Variants in PALLD observed in about 807,000 individuals in gnomAD.
PALLD encodes palladin.
Under a neutral mutation model 123.5 loss-of-function variants are expected in PALLD, and 61 were observed. That is an observed-to-expected ratio of 0.49 (90% confidence interval 0.40 to 0.61). PALLD has a LOEUF of 0.61. Among genes scored for constraint, PALLD ranks in the 20% least tolerant of loss-of-function variants. The pLI, the probability that PALLD is intolerant of heterozygous loss-of-function variation, is 0.00. For synonymous variants in PALLD, 465 were observed against 496.4 expected (o/e 0.94, Z 0.84); for missense variants, 1,273 against 1,377.0 (o/e 0.92, Z 1.20).
At chr4:168,771,085 A>AAAAAAAAAAAAC (rs1195167673) in intron 10 of PALLD, among the ~76,000 whole-genome samples, 2 of 149,608 alleles carry the variant, frequency 1.3e-5, no homozygotes, top group African/African-American at 5.0e-5. Context: ...ACAAAAAAAA[A>AAAAAAAAAAAAC]ACCTTAGTTT....
intron 10 of PALLD, among the ~76,000 whole-genome samples, chr4:168,811,774 T>TCACACACACACA (rs879411684): frequency 4.6e-5 from 5 of 109,510 alleles, no homozygotes; most frequent in East Asian, 2.3e-4. Context: ...TCTCTCTCTC[T>TCACACACACACA]CTCACACACA....
chr4:168,639,765 C>G (rs537167032), intron 2 of PALLD, among the ~76,000 whole-genome samples: 3 of 152,010 alleles, frequency 2.0e-5, no homozygotes, highest in African/African-American at 7.3e-5. Flanking sequence ...AGGATGGTCT[C>G]GATCTTCTGA....
rs1311575759 is a variant in PALLD, at chr4:168,807,432, G to A, written c.1965-83490G>A. Reference sequence around the variant, plus strand: ...TCTTTCTTTTTTATGTTTTTGAGACGGAGTTTCACTCTTGTTGCCCAGACT... The same window carrying A: ...TCTTTCTTTTTTATGTTTTTGAGACAGAGTTTCACTCTTGTTGCCCAGACT... On this transcript the variant is annotated intron_variant, in intron 10 of 21. Coordinates refer to ENST00000505667, the MANE Select transcript of PALLD (RefSeq NM_001166108.2). Among the ~76,000 whole-genome samples the A allele has an allele frequency of 3.3e-5, 5 of 152,014 alleles. No homozygotes were observed. The South Asian group carries it at 6.2e-4, about 19-fold the overall frequency.
chr4:168,795,921 G>A lies in PALLD; in HGVS notation c.1964+83998G>A, dbSNP rs71622312. Among the ~76,000 whole-genome samples, 940 of 151,936 alleles carry A rather than the reference G, an allele frequency of 6.2e-3. 5 individuals carry two copies. Among genetic ancestry groups the A allele is most frequent in the Admixed American group, 0.012 (177 of 15,266 alleles). On this transcript the variant is annotated intron_variant, in intron 10 of 21. Coordinates refer to ENST00000505667, the MANE Select transcript of PALLD (RefSeq NM_001166108.2). ...TATGTTTAATGTTTGTGGGTACATA[G>A]TAGGTGTATATATTTATAGGGTATA...
intron 10 of PALLD, among the ~76,000 whole-genome samples, chr4:168,768,192 C>T (rs1733935941): frequency 6.6e-6 from 1 of 152,202 alleles, no homozygotes; most frequent in Non-Finnish European, 1.5e-5. Flanking sequence ...TTTTATAACA[C>T]ATGAGATTGT....
At chr4:168,919,149 C>T (rs546961060) in intron 17 of PALLD, among the ~76,000 whole-genome samples, 374 of 152,236 alleles carry the variant, frequency 2.5e-3, no homozygotes, top group Middle Eastern at 3.4e-3. Flanking sequence ...GTCCTTAAAA[C>T]GCCTGCCATT....
In PALLD at chr4:168,690,641, G is replaced by A. The variant is rs151027558; in HGVS notation, c.1374G>A (p.Val458=). Residue 458 remains valine, a synonymous_variant, in exon 7 of 22, where the codon GTG becomes GTA. Coordinates refer to ENST00000505667, the MANE Select transcript of PALLD (RefSeq NM_001166108.2). The part of the protein sequence containing the change: ...QNTAVAEGQV[V]VLECRVRGAP... ...CAGCCGTGGCGGAAGGCCAGGTGGT[G>A]GTTCTGGAGTGCCGGGTCCGTGGGG... 6.2e-7 allele frequency: 1 copy of A among 1,614,212 alleles called. No homozygotes were observed. The highest frequency in any genetic ancestry group is 1.1e-5 in the South Asian group (1 of 91,088).
At chr4:168,560,262 T>C (rs1767734727) in intron 2 of PALLD, among the ~76,000 whole-genome samples, 1 of 152,166 alleles carries the variant, frequency 6.6e-6, no homozygotes, top group Admixed American at 6.5e-5. Flanking sequence ...GAAAACTGTC[T>C]CATTCTGCAA....
At position 168,827,965 on chromosome 4, in the gene PALLD, C is replaced by T. The variant is rs1280710972; in HGVS notation, c.1965-62957C>T. Among the ~76,000 whole-genome samples the T allele has an allele frequency of 3.3e-5, 5 of 152,248 alleles. No homozygotes were observed. In the South Asian group the frequency reaches 8.3e-4, roughly 25 times the overall value. ...CTGAGGCAGGAGAATCGCGTGAACC[C>T]GGGAGGCGGAGGTTGCAGTGAGCCG... On this transcript the variant is annotated intron_variant, in intron 10 of 21. Coordinates refer to ENST00000505667, the MANE Select transcript of PALLD (RefSeq NM_001166108.2).
At chr4:168,579,508 T>C (rs1253229903) in intron 2 of PALLD, among the ~76,000 whole-genome samples, 4 of 152,122 alleles carry the variant, frequency 2.6e-5, no homozygotes, top group African/African-American at 9.7e-5. Context: ...AATCAACATA[T>C]ATCTAGTTAG....
intron 1 of PALLD, among the ~76,000 whole-genome samples, chr4:168,499,203 A>AG (rs1199391253): frequency 4.8e-5 from 6 of 125,982 alleles, no homozygotes; most frequent in African/African-American, 1.8e-4. Context: ...AAAAAAAAAA[A>AG]AAAGGAAGGA....
intron 10 of PALLD, among the ~76,000 whole-genome samples, chr4:168,868,913 C>G (rs1303108834): frequency 2.0e-5 from 3 of 152,098 alleles, no homozygotes; most frequent in Non-Finnish European, 4.4e-5. Context: ...GAAAATATCC[C>G]CAAGGCACTT....
At chr4:168,763,966 C>T (rs1733311542) in intron 10 of PALLD, among the ~76,000 whole-genome samples, 1 of 152,130 alleles carries the variant, frequency 6.6e-6, no homozygotes, top group South Asian at 2.1e-4. Flanking sequence ...ATTCATGCCT[C>T]TGTTTATTTA....
At chr4:168,878,967 C>A (rs1199808824) in intron 10 of PALLD, among the ~76,000 whole-genome samples, 1 of 152,076 alleles carries the variant, frequency 6.6e-6, no homozygotes, top group Non-Finnish European at 1.5e-5. Context: ...TTTTGAAAAA[C>A]CTTAATTAAC....
intron 10 of PALLD, among the ~76,000 whole-genome samples, chr4:168,868,584 C>T (rs923360242): frequency 1.3e-5 from 2 of 152,206 alleles, no homozygotes; most frequent in South Asian, 2.1e-4. Context: ...CCTGGCAGTA[C>T]TTCACAACAC....
At chr4:168,919,623 C>T (rs1258676168) in intron 17 of PALLD, among the ~76,000 whole-genome samples, 3 of 151,906 alleles carry the variant, frequency 2.0e-5, no homozygotes, top group Admixed American at 6.6e-5. Flanking sequence ...AAAATCCTGA[C>T]GATAAGCCAA....
intron 10 of PALLD, among the ~76,000 whole-genome samples, chr4:168,799,272 T>G (rs1363306422): frequency 6.6e-6 from 1 of 152,204 alleles, no homozygotes; most frequent in Admixed American, 6.5e-5. Context: ...AGGTTGCAAT[T>G]CATCCACAAG....
At chr4:168,865,183 C>G (rs551553178) in intron 10 of PALLD, among the ~76,000 whole-genome samples, 226 of 152,356 alleles carry the variant, frequency 1.5e-3, no homozygotes, top group African/African-American at 5.1e-3. Flanking sequence ...CCTTTGGCCT[C>G]TAAGGAATGT....
At chr4:168,520,116 G>T (rs911304874) in intron 2 of PALLD, among the ~76,000 whole-genome samples, 3 of 151,880 alleles carry the variant, frequency 2.0e-5, no homozygotes, top group Admixed American at 2.0e-4. Context: ...CACGAGGACA[G>T]GAGATGGAGA....
Sources: allele counts gnomAD v4.1 joint callset (sites outside exome capture counted in the v4.1 genomes callset), GRCh38; gene constraint gnomAD v4.1.1; transcripts MANE v1.5; gene names NCBI Gene and HGNC (gene_info 2026-07-23, HGNC 2026-07-21).